AMER3: variants seen among roughly 807,000 people sequenced by gnomAD.
AMER3 encodes APC membrane recruitment protein 3.
For synonymous variants in AMER3, 541 were observed against 485.5 expected (o/e 1.11, Z -1.50); for missense variants, 1,201 against 1,139.4 (o/e 1.05, Z -0.78).
At position 130,763,763 on chromosome 2, in the gene AMER3, G is replaced by A. The variant is rs1179477311; in HGVS notation, c.1691G>A (p.Ser564Asn). Residue 564 changes from serine to asparagine, a missense_variant, in exon 2 of 2, where the codon AGC becomes AAC. Transcript: ENST00000321420. ...AGGATVCSAP[S>N]RQELWAHPGT... ...GGGGCGACAGTTTGCTCAGCACCCAGCAGGCAGGAGCTGTGGGCACACCCG... is the reference window on the plus strand; with the variant it reads ...GGGGCGACAGTTTGCTCAGCACCCAACAGGCAGGAGCTGTGGGCACACCCG... 2 of 1,598,520 alleles carry A rather than the reference G, an allele frequency of 1.3e-6. No homozygotes were observed. Among genetic ancestry groups the A allele is most frequent in the Non-Finnish European group, 1.7e-6 (2 of 1,172,444 alleles).
intron 1 of AMER3, among the ~76,000 whole-genome samples, chr2:130,758,065 T>C (rs1189494070): frequency 3.3e-5 from 5 of 149,812 alleles, no homozygotes; most frequent in Non-Finnish European, 7.4e-5. Flanking sequence ...ACCCGCGAGG[T>C]GGAGCTTGCA....
rs1171789965 is a variant in AMER3 at position 130,768,132 on chromosome 2, G to C, written c.*3474G>C. On this transcript the variant is annotated 3_prime_UTR_variant, in exon 2 of 2. Coordinates refer to ENST00000321420, the MANE Select transcript of AMER3 (RefSeq NM_152698.3). ...TTGTTGAAAGAATGAAGTGTCAAAA[G>C]GTTGTGCGTGCTTTTCTGATTTCTT... 1 of 167,156 alleles carries C rather than the reference G, an allele frequency of 6.0e-6. No individual in the cohort carries two copies. Among genetic ancestry groups the C allele is most frequent in the African/African-American group, 2.4e-5 (1 of 41,474 alleles). 10.4% of individuals were successfully genotyped at this position (167,156 alleles called of 1,614,324 possible).
intron 1 of AMER3, among the ~76,000 whole-genome samples, chr2:130,759,164 C>T (rs1298717681): frequency 6.6e-6 from 1 of 152,202 alleles, no homozygotes; most frequent in Non-Finnish European, 1.5e-5. Context: ...ATTCTGTATC[C>T]TACACTTATT....
At position 130,764,593 on chromosome 2, in the gene AMER3, G is replaced by A. The variant is rs745624010; in HGVS notation, c.2521G>A (p.Gly841Ser). The change falls in exon 2 of 2, where the codon GGC becomes AGC. Residue 841 changes from glycine to serine, a missense_variant. Transcript: ENST00000321420. ...ECRCSLLARE[G>S]LLCGQPEVGA... Reference sequence around the variant, plus strand: ...CCGCTGCAGCCTCCTGGCCCGTGAGGGCCTCCTCTGTGGCCAGCCAGAAGT... The same window carrying A: ...CCGCTGCAGCCTCCTGGCCCGTGAGAGCCTCCTCTGTGGCCAGCCAGAAGT... The A allele has an allele frequency of 3.1e-6, 5 of 1,606,180 alleles. No homozygotes were observed. The Admixed American group carries it at 6.7e-5, about 22-fold the overall frequency.
chr2:130,757,932 A>G (rs1192308313), intron 1 of AMER3, among the ~76,000 whole-genome samples: 1 of 152,146 alleles, frequency 6.6e-6, no homozygotes, highest in African/African-American at 2.4e-5. Flanking sequence ...AGAGATCAAG[A>G]CCATCCTGGC....
intron 1 of AMER3, among the ~76,000 whole-genome samples, chr2:130,761,123 C>T (rs574488909): frequency 2.0e-5 from 3 of 152,288 alleles, no homozygotes; most frequent in South Asian, 2.1e-4. Context: ...GGCCCTAGAC[C>T]GCCAACTTCA....
intron 1 of AMER3, among the ~76,000 whole-genome samples, chr2:130,760,684 G>A (rs559064760): frequency 6.6e-6 from 1 of 152,268 alleles, no homozygotes; most frequent in East Asian, 1.9e-4. Flanking sequence ...GAGGTATTTT[G>A]GGTGATAGGA....
In AMER3 at chr2:130,764,745, T is replaced by A; in HGVS notation, c.*87T>A. 1 of 1,384,934 alleles carries A rather than the reference T, an allele frequency of 7.2e-7. No homozygotes were observed. Among genetic ancestry groups the A allele is most frequent in the Non-Finnish European group, 9.6e-7 (1 of 1,037,746 alleles). 85.8% of individuals were successfully genotyped at this position (1,384,934 alleles called of 1,614,324 possible). ...GACTCAAATCTCTATCTTTTGTCCC[T>A]GATGTGGGGACTGTGTTGGGGGTGG... is the stretch of plus-strand genomic sequence containing the variant. On this transcript the variant is annotated 3_prime_UTR_variant, in exon 2 of 2. Coordinates refer to ENST00000321420, the MANE Select transcript of AMER3 (RefSeq NM_152698.3).
At position 130,765,595 on chromosome 2, in the gene AMER3, C is replaced by T. The variant is rs543786171; in HGVS notation, c.*937C>T. 5 of 166,998 alleles carry T rather than the reference C, an allele frequency of 3.0e-5. No homozygotes were observed. Among genetic ancestry groups the T allele is most frequent in the Non-Finnish European group, 5.9e-5 (4 of 68,128 alleles). The allele number at this position is 166,998 out of a possible 1,614,324, so 10.3% of individuals were successfully genotyped here. On this transcript the variant is annotated 3_prime_UTR_variant, in exon 2 of 2. Coordinates refer to ENST00000321420, the MANE Select transcript of AMER3 (RefSeq NM_152698.3). ...TTTTTATACACACGCACAATGCTTA[C>T]ACACACAGTCAACCTGGGATGCCGG...
Position 130,763,080 on chromosome 2 carries a change from C to A in AMER3, c.1008C>A (p.Asp336Glu). 6.2e-7 allele frequency: 1 copy of A among 1,613,316 alleles called. No individual in the cohort carries two copies. The highest frequency in any genetic ancestry group is 8.5e-7 in the Non-Finnish European group (1 of 1,179,916). ...GGCTTTCAGGCCCCCAGGGGACAGA[C>A]AGGGACCAATCCCGGCTGGACACAG... Reference protein sequence around the residue: ...GPWLSGPQGTDRDQSRLDTAG... With the variant: ...GPWLSGPQGTERDQSRLDTAG... Residue 336 changes from aspartate to glutamate, a missense_variant, in exon 2 of 2, where the codon GAC (aspartate) becomes GAA (glutamate). Transcript: ENST00000321420.
At chr2:130,759,775 T>A (rs1678722461) in intron 1 of AMER3, among the ~76,000 whole-genome samples, 1 of 152,242 alleles carries the variant, frequency 6.6e-6, no homozygotes, top group African/African-American at 2.4e-5. Flanking sequence ...AGATCCCAAC[T>A]CTGTCACTTA....
chr2:130,765,177 G>T lies in AMER3; in HGVS notation c.*519G>T, dbSNP rs1678949249. 6.0e-6 allele frequency: 1 copy of T among 167,942 alleles called. No individual in the cohort carries two copies. The highest frequency in any genetic ancestry group is 2.1e-4 in the South Asian group (1 of 4,872). The allele number at this position is 167,942 out of a possible 1,614,324, so 10.4% of individuals were successfully genotyped here. On this transcript the variant is annotated 3_prime_UTR_variant, in exon 2 of 2. Transcript: ENST00000321420. The stretch of plus-strand genomic sequence containing the variant: ...TTTAAAAGATACTTACATTTTAAAA[G>T]GATTTATTTGAGAAACATAAAAACA...
Position 130,763,855 on chromosome 2 carries a change from C to T in AMER3, c.1783C>T (p.Leu595=), listed in dbSNP as rs1298536171. ...LGGATQGTGT[L]SRDASREEET... ...AGGGGCCACACAAGGGACTGGCACA[C>T]TGTCCAGGGATGCCTCTCGAGAGGA... Residue 595 remains leucine, a synonymous_variant, in exon 2 of 2, where the codon CTG becomes TTG. Coordinates refer to ENST00000321420, the MANE Select transcript of AMER3 (RefSeq NM_152698.3). 6 of 1,613,298 alleles carry T rather than the reference C, an allele frequency of 3.7e-6. No homozygotes were observed. Among genetic ancestry groups the T allele is most frequent in the Non-Finnish European group, 5.1e-6 (6 of 1,180,028 alleles).
rs1365746169 is a variant in AMER3 at position 130,762,735 on chromosome 2, G to T, written c.663G>T (p.Glu221Asp). Residue 221 changes from glutamate to aspartate, a missense_variant, in exon 2 of 2, where the codon GAG (glutamate) becomes GAT (aspartate). By Grantham distance (45) the Glu-to-Asp change is conservative. Transcript: ENST00000321420. ...TGTGCCAGGACCTGTTGGACAGCGA[G>T]CTCCTGGCCGATGCATCCTTTGGTC... The part of the protein sequence containing the change: ...DGLCQDLLDS[E>D]LLADASFGLC... The T allele has an allele frequency of 1.2e-6, 2 of 1,611,938 alleles. No homozygotes were observed. Among genetic ancestry groups the T allele is most frequent in the Non-Finnish European group, 1.7e-6 (2 of 1,179,298 alleles).
intron 1 of AMER3, among the ~76,000 whole-genome samples, chr2:130,759,998 C>A (rs1051903505): frequency 2.6e-5 from 4 of 152,298 alleles, no homozygotes; most frequent in Non-Finnish European, 2.9e-5. Flanking sequence ...AGCAGAGCTT[C>A]GGAGGCCTTA....
chr2:130,764,092 G>C lies in AMER3; in HGVS notation c.2020G>C (p.Ala674Pro). 1.2e-6 allele frequency: 2 copies of C among 1,611,930 alleles called. No individual in the cohort carries two copies. The highest frequency in any genetic ancestry group is 1.7e-6 in the Non-Finnish European group (2 of 1,179,326). ...GDTLDAEPML[A>P]GCVARVAALK... is the part of the protein sequence containing the mutation. ...CACTCTGGATGCAGAGCCCATGCTGGCAGGCTGTGTGGCCCGTGTGGCAGC... is the reference window on the plus strand; with the variant it reads ...CACTCTGGATGCAGAGCCCATGCTGCCAGGCTGTGTGGCCCGTGTGGCAGC... Residue 674 changes from alanine (A) to proline (P), a missense_variant, in exon 2 of 2, where the codon GCA (alanine) becomes CCA (proline). Transcript: ENST00000321420.
At position 130,763,859 on chromosome 2, in the gene AMER3, C is replaced by G; in HGVS notation, c.1787C>G (p.Ser596Cys). The G allele has an allele frequency of 6.2e-7, 1 of 1,613,426 alleles. No individual in the cohort carries two copies. ...GCCACACAAGGGACTGGCACACTGT[C>G]CAGGGATGCCTCTCGAGAGGAAGAG... Reference protein sequence around the residue: ...GGATQGTGTLSRDASREEETR... With the variant: ...GGATQGTGTLCRDASREEETR... The change falls in exon 2 of 2, where the codon TCC becomes TGC. Residue 596 changes from serine to cysteine, a missense_variant. Transcript: ENST00000321420.
Position 130,763,186 on chromosome 2 carries a change from C to T in AMER3, c.1114C>T (p.Pro372Ser). The change falls in exon 2 of 2, where the codon CCC becomes TCC. Residue 372 changes from proline to serine, a missense_variant. By Grantham distance (74) the Pro-to-Ser change is moderately conservative. Coordinates refer to ENST00000321420, the MANE Select transcript of AMER3 (RefSeq NM_152698.3). ...SKASSIDTGT[P>S]KSEQPESVST... Reference sequence around the variant, plus strand: ...AGCCAGCTCCATCGACACAGGCACCCCCAAGAGCGAGCAGCCCGAATCCGT... The same window carrying T: ...AGCCAGCTCCATCGACACAGGCACCTCCAAGAGCGAGCAGCCCGAATCCGT... The T allele has an allele frequency of 6.2e-6, 10 of 1,613,728 alleles. No homozygotes were observed. The highest frequency in any genetic ancestry group is 8.5e-6 in the Non-Finnish European group (10 of 1,180,022).
intron 1 of AMER3, among the ~76,000 whole-genome samples, chr2:130,760,021 A>G (rs1489070863): frequency 6.6e-6 from 1 of 152,166 alleles, no homozygotes; most frequent in Non-Finnish European, 1.5e-5. Flanking sequence ...ACGGCTGCAA[A>G]GGATTGTGCA....
Sources: gnomAD v4.1 joint callset for allele counts (sites outside exome capture counted in the v4.1 genomes callset) on GRCh38, gnomAD v4.1.1 for gene constraint, MANE v1.5 for transcripts, NCBI Gene and HGNC (gene_info 2026-07-23, HGNC 2026-07-21) for gene names.